CAPZB: variants seen among roughly 807,000 people sequenced by gnomAD.
The protein encoded by CAPZB is F-actin-capping protein subunit beta.
CAPZB carries 2 observed loss-of-function variants against 38.1 expected under a neutral mutation model. That is an observed-to-expected ratio of 0.05 (90% CI 0.02 to 0.17). CAPZB has a LOEUF of 0.17. Ranked by LOEUF, CAPZB falls within the 10% of genes least tolerant of loss-of-function variation. The probability of loss-of-function intolerance (pLI) is 1.00; values close to 1 mark genes in which losing one functional copy is unlikely to be tolerated. For missense variants in CAPZB, 161 were observed against 334.2 expected, an observed-to-expected ratio of 0.48 and a Z score of 4.04; for synonymous variants, 107 against 127.4, an observed-to-expected ratio of 0.84 and a Z score of 1.08.
intron 8 of CAPZB, 105 bp from the exon 9 acceptor site, chr1:19,339,722 C>A: frequency 1.1e-6 from 1 of 874,680 alleles, no homozygotes; most frequent in Non-Finnish European, 2.0e-6. Context: ...CTGCATGGAC[C>A]CGCTTCCTGG....
chr1:19,477,409 CA>C (rs2094610650), intron 1 of CAPZB, among the ~76,000 whole-genome samples: 1 of 152,248 alleles, frequency 6.6e-6, no homozygotes, highest in South Asian at 2.1e-4. Flanking sequence ...TGGAAATTCT[CA>C]GCAGAGGAAC....
intron 1 of CAPZB, among the ~76,000 whole-genome samples, chr1:19,441,123 C>T (rs1472041613): frequency 1.3e-5 from 2 of 152,278 alleles, no homozygotes; most frequent in African/African-American, 4.8e-5. Flanking sequence ...TGCAGAAAGT[C>T]CACGAAATTT....
In CAPZB at chr1:19,357,708, C is replaced by T. The variant is rs902428557; in HGVS notation, c.330-145G>A. ...AGCCGATCCTTGGGTGTGTTCTGAT[C>T]GTTCTGTGGCTGGGGGAGGGGGTGC... On this transcript the variant is annotated intron_variant, in intron 4 of 8. Transcript: ENST00000264202. The surrounding 1 kb of genome is among the most constrained non-coding windows in gnomAD (Gnocchi z 4.3). The T allele has an allele frequency of 7.8e-5, 55 of 703,604 alleles. No homozygotes were observed. Among genetic ancestry groups the T allele is most frequent in the Non-Finnish European group, 4.9e-5 (21 of 424,454 alleles). 43.6% of individuals were successfully genotyped at this position (703,604 alleles called of 1,614,324 possible). A position where few individuals can be genotyped will look rare whatever the true frequency, so the allele number is the denominator to read the frequency against.
intron 1 of CAPZB, among the ~76,000 whole-genome samples, chr1:19,482,036 C>A (rs2094631064): frequency 6.6e-6 from 1 of 152,206 alleles, no homozygotes; most frequent in African/African-American, 2.4e-5. Context: ...ATTTGCCTAA[C>A]AATAAGCATT....
chr1:19,477,626 C>T (rs2094611469), intron 1 of CAPZB, among the ~76,000 whole-genome samples: 1 of 152,262 alleles, frequency 6.6e-6, no homozygotes, highest in Non-Finnish European at 1.5e-5. Flanking sequence ...AGCAGCAACA[C>T]TCTACCTGCC....
chr1:19,405,804 C>T (rs2094328722), intron 2 of CAPZB, among the ~76,000 whole-genome samples: 1 of 152,202 alleles, frequency 6.6e-6, no homozygotes, highest in Non-Finnish European at 1.5e-5. Context: ...GACAGCACTC[C>T]CGCCGCCACC....
chr1:19,350,386 C>G (rs1032104125), intron 6 of CAPZB, among the ~76,000 whole-genome samples: 1 of 152,280 alleles, frequency 6.6e-6, no homozygotes, highest in South Asian at 2.1e-4. Context: ...CACCGATTGT[C>G]AAAGCACAGC....
At chr1:19,355,116 C>T (rs908836846) in intron 6 of CAPZB, among the ~76,000 whole-genome samples, 4 of 152,298 alleles carry the variant, frequency 2.6e-5, no homozygotes, top group African/African-American at 4.8e-5. Flanking sequence ...CCAGGTATGA[C>T]GGCTGACATT....
rs377225498 is a variant in CAPZB, at chr1:19,420,028, C to T, written c.4-278G>A. On this transcript the variant is annotated intron_variant, in intron 1 of 8. Coordinates refer to ENST00000264202, the MANE Select transcript of CAPZB (RefSeq NM_004930.5). Reference sequence around the variant, plus strand: ...AGACGTCAGAAAGCTCCCTCACCGGCTCCCCTGCTCCTGCTCAACAGGCCC... The same window carrying T: ...AGACGTCAGAAAGCTCCCTCACCGGTTCCCCTGCTCCTGCTCAACAGGCCC... The T allele has an allele frequency of 1.3e-4, 53 of 405,526 alleles. 1 individual carries two copies. The highest frequency in any genetic ancestry group is 1.2e-3 in the East Asian group (26 of 20,860). 25.1% of individuals were successfully genotyped at this position (405,526 alleles called of 1,614,324 possible). A position where few individuals can be genotyped will look rare whatever the true frequency, so the allele number is the denominator to read the frequency against.
At chr1:19,363,646 G>C (rs1158787956) in intron 4 of CAPZB, among the ~76,000 whole-genome samples, 1 of 151,674 alleles carries the variant, frequency 6.6e-6, no homozygotes, top group Non-Finnish European at 1.5e-5. Flanking sequence ...AAAGCTTTAT[G>C]GAGTGTCTGA....
rs375834499 is a variant in CAPZB, at chr1:19,388,705, A to G, written c.94-3079T>C. Among the ~76,000 whole-genome samples the G allele has an allele frequency of 1.9e-3, 296 of 152,304 alleles. 3 individuals carry two copies. The highest frequency in any genetic ancestry group is 6.7e-3 in the African/African-American group (280 of 41,568). On this transcript the variant is annotated intron_variant, in intron 2 of 8. Coordinates refer to ENST00000264202, the MANE Select transcript of CAPZB (RefSeq NM_004930.5). Reference sequence around the variant, plus strand: ...GCATTGGTGGAAAGAGTGAGAACTAAGAGACCTGGGTTCTAGCCTCTGCTC... The same window carrying G: ...GCATTGGTGGAAAGAGTGAGAACTAGGAGACCTGGGTTCTAGCCTCTGCTC...
intron 4 of CAPZB, 80 bp downstream of exon 4, chr1:19,378,460 T>C (rs1451897203): frequency 3.6e-6 from 3 of 823,434 alleles, no homozygotes; most frequent in East Asian, 2.5e-5. Flanking sequence ...AGGTAACAGA[T>C]TCCAGATAGA....
intron 4 of CAPZB, among the ~76,000 whole-genome samples, chr1:19,367,787 G>A (rs996531437): frequency 7.2e-5 from 11 of 152,152 alleles, no homozygotes; most frequent in Non-Finnish European, 1.2e-4. Flanking sequence ...TTAGTGTCTC[G>A]CTTTTACGAG....
intron 2 of CAPZB, among the ~76,000 whole-genome samples, chr1:19,408,278 G>A (rs979466572): frequency 1.3e-5 from 2 of 152,218 alleles, no homozygotes; most frequent in African/African-American, 4.8e-5. Flanking sequence ...GGCAGTAAAG[G>A]CAACAGCCAG....
intron 1 of CAPZB, among the ~76,000 whole-genome samples, chr1:19,430,329 C>T (rs1299436612): frequency 6.6e-6 from 1 of 152,188 alleles, no homozygotes; most frequent in Non-Finnish European, 1.5e-5. Context: ...CACATCCCTC[C>T]AGGAAGTGAA....
At position 19,450,153 on chromosome 1, in the gene CAPZB, A is replaced by AG. The variant is rs2094510506; in HGVS notation, c.4-30404_4-30403insC. ...AGCAAGACCCTGTCTCCAAAAAAAAAAAAAAAAAAAAAAAAAGAAAAGAAA... is the reference window on the plus strand; with the variant it reads ...AGCAAGACCCTGTCTCCAAAAAAAAAGAAAAAAAAAAAAAAAAGAAAAGAAA... On this transcript the variant is annotated intron_variant, in intron 1 of 8. Transcript: ENST00000264202. Among the ~76,000 whole-genome samples, 4 of 113,978 alleles carry AG rather than the reference A, an allele frequency of 3.5e-5. No homozygotes were observed. The Admixed American group carries it at 3.8e-4, about 11-fold the overall frequency. The allele number at this position is 113,978 out of a possible 152,430, so 74.8% of individuals were successfully genotyped here.
chr1:19,425,612 T>G (rs550932806), intron 1 of CAPZB, among the ~76,000 whole-genome samples: 1 of 152,322 alleles, frequency 6.6e-6, no homozygotes, highest in African/African-American at 2.4e-5. Flanking sequence ...ACCTCCTGTT[T>G]TCACATGATT....
intron 8 of CAPZB, chr1:19,342,705 G>A: frequency 8.2e-7 from 1 of 1,214,370 alleles, no homozygotes; most frequent in Non-Finnish European, 1.2e-6. Context: ...GCGGGTTGGT[G>A]AGTCCTGTTT....
chr1:19,475,123 TTG>T (rs2094602509), intron 1 of CAPZB, among the ~76,000 whole-genome samples: 1 of 152,202 alleles, frequency 6.6e-6, no homozygotes, highest in Non-Finnish European at 1.5e-5. Flanking sequence ...TAACATCGTG[TTG>T]TGGTTAATGT....
Sources: allele counts gnomAD v4.1 joint callset (sites outside exome capture counted in the v4.1 genomes callset), GRCh38; gene constraint gnomAD v4.1.1; non-coding constraint Gnocchi (gnomAD v3.1); transcripts MANE v1.5; gene names NCBI Gene and HGNC (gene_info 2026-07-23, HGNC 2026-07-21).